Variants in CAMTA1 observed in about 807,000 individuals in gnomAD.
The protein encoded by CAMTA1 is calmodulin binding transcription activator 1.
Under a neutral mutation model 170.9 loss-of-function variants are expected in CAMTA1, and 27 were observed. That is an observed-to-expected ratio of 0.16 (90% CI 0.12 to 0.22). The LOEUF (loss-of-function observed/expected upper bound fraction) is 0.22. Among genes scored for constraint, CAMTA1 ranks in the 10% least tolerant of loss-of-function variants. CAMTA1 has a pLI of 1.00. For synonymous variants in CAMTA1, 833 were observed against 891.5 expected (o/e 0.93, Z 1.17); for missense variants, 1,619 against 2,217.2 (o/e 0.73, Z 5.42).
chr1:7,655,211 C>T (rs1329684171), intron 7 of CAMTA1, among the ~76,000 whole-genome samples: 1 of 116,294 alleles, frequency 8.6e-6, no homozygotes, highest in Non-Finnish European at 1.8e-5. Flanking sequence ...TACACACAAA[C>T]ACACCCATCT....
At chr1:7,038,766 G>A (rs1288709957) in intron 3 of CAMTA1, among the ~76,000 whole-genome samples, 3 of 152,220 alleles carry the variant, frequency 2.0e-5, no homozygotes, top group East Asian at 1.9e-4. Flanking sequence ...AAGGCTGGGC[G>A]TGGTGGCTCA....
chr1:7,640,608 A>G, intron 7 of CAMTA1, 55 bp downstream of exon 7: 1 of 1,608,786 alleles, frequency 6.2e-7, no homozygotes, highest in South Asian at 1.1e-5. Context: ...GCTGGCATCA[A>G]CCAGGCGGGG....
At position 7,455,179 on chromosome 1, in the gene CAMTA1, CA is replaced by C. The variant is rs967844578; in HGVS notation, c.439-12650del. ...CTGCTAAGTCTGTTCCAGGACAAGA[CA>C]TGCTGCCCATCCCTCCTGCTTCTCT... On this transcript the variant is annotated intron_variant, in intron 5 of 22. Coordinates refer to ENST00000303635, the MANE Select transcript of CAMTA1 (RefSeq NM_015215.4). The surrounding 1 kb of genome is among the most constrained non-coding windows in gnomAD (Gnocchi z 5.0). 6.6e-6 allele frequency among the ~76,000 whole-genome samples: 1 copy of C among 152,212 alleles called. No individual in the cohort carries two copies. Among genetic ancestry groups the C allele is most frequent in the African/African-American group, 2.4e-5 (1 of 41,468 alleles).
Position 7,748,864 on chromosome 1 carries a change from C to T in CAMTA1, c.4689+1083C>T, listed in dbSNP as rs1222462671. Among the ~76,000 whole-genome samples, 1 of 152,126 alleles carries T rather than the reference C, an allele frequency of 6.6e-6. No homozygotes were observed. On this transcript the variant is annotated intron_variant, in intron 19 of 22. Coordinates refer to ENST00000303635, the MANE Select transcript of CAMTA1 (RefSeq NM_015215.4). This position sits in a 1 kb window ranked among gnomAD's most constrained non-coding sequence, Gnocchi z 4.7. ...CACCTTGTAGGGTTATGTAACTAGTCAGATGGGAAAGGGAAGTCATATTTT... is the reference window on the plus strand; with the variant it reads ...CACCTTGTAGGGTTATGTAACTAGTTAGATGGGAAAGGGAAGTCATATTTT...
Position 7,633,637 on chromosome 1 carries a change from C to A in CAMTA1, c.511-6763C>A, listed in dbSNP as rs898282025. 1.3e-5 allele frequency among the ~76,000 whole-genome samples: 2 copies of A among 152,222 alleles called. No individual in the cohort carries two copies. The highest frequency in any genetic ancestry group is 2.9e-5 in the Non-Finnish European group (2 of 68,030). On this transcript the variant is annotated intron_variant, in intron 6 of 22. Transcript: ENST00000303635. This position sits in a 1 kb window ranked among gnomAD's most constrained non-coding sequence, Gnocchi z 4.1. ...CCAAGGCCAGGTGCCCCCTAGCAGGCTTGTTGGCCCGTGTGCTGGAGCAGC... is the reference window on the plus strand; with the variant it reads ...CCAAGGCCAGGTGCCCCCTAGCAGGATTGTTGGCCCGTGTGCTGGAGCAGC...
Position 7,142,440 on chromosome 1 carries a change from C to G in CAMTA1, c.302+51069C>G, listed in dbSNP as rs142908811. On this transcript the variant is annotated intron_variant, in intron 4 of 22. Transcript: ENST00000303635. Reference sequence around the variant, plus strand: ...GTCTGTGATGATGGGCAGGTGATGTCCCCTCTGTGGGCAGAAGGTGCTGCT... The same window carrying G: ...GTCTGTGATGATGGGCAGGTGATGTGCCCTCTGTGGGCAGAAGGTGCTGCT... Among the ~76,000 whole-genome samples, 230 of 152,322 alleles carry G rather than the reference C, an allele frequency of 1.5e-3. 4 individuals are homozygous for G. The South Asian group carries it at 0.028, about 19-fold the overall frequency.
intron 6 of CAMTA1, among the ~76,000 whole-genome samples, chr1:7,476,359 G>A (rs779245631): frequency 6.6e-5 from 10 of 152,168 alleles, no homozygotes; most frequent in Non-Finnish European, 1.2e-4. Context: ...TGGTCAAGAC[G>A]GTGGATCCAG....
intron 3 of CAMTA1, among the ~76,000 whole-genome samples, chr1:6,889,061 A>G (rs765887752): frequency 2.6e-5 from 4 of 152,244 alleles, no homozygotes; most frequent in Admixed American, 6.5e-5. Context: ...CCAATGTCCA[A>G]TTGAACTTGA....
intron 6 of CAMTA1, among the ~76,000 whole-genome samples, chr1:7,493,575 C>T (rs1399470764): frequency 6.6e-6 from 1 of 152,084 alleles, no homozygotes; most frequent in Non-Finnish European, 1.5e-5. Context: ...GACGGATCCA[C>T]ACACTTTAGA....
rs956594401 is a variant in CAMTA1 at position 7,124,039 on chromosome 1, G to A, written c.302+32668G>A. On this transcript the variant is annotated intron_variant, in intron 4 of 22. Transcript: ENST00000303635. ...TCTTGGCCAGAGGTGGGTTGGGCTTGGGGGCACAGATGTCTCACCTCGCAG... is the reference window on the plus strand; with the variant it reads ...TCTTGGCCAGAGGTGGGTTGGGCTTAGGGGCACAGATGTCTCACCTCGCAG... Among the ~76,000 whole-genome samples the A allele has an allele frequency of 3.3e-5, 5 of 152,288 alleles. No homozygotes were observed. In the South Asian group the frequency reaches 8.3e-4, roughly 25 times the overall value.
chr1:7,476,774 G>A (rs2093426237), intron 6 of CAMTA1, among the ~76,000 whole-genome samples: 1 of 152,154 alleles, frequency 6.6e-6, no homozygotes, highest in African/African-American at 2.4e-5. Flanking sequence ...GCTCCCCACA[G>A]CTGACAGTGA....
chr1:6,902,744 C>T (rs2149219774), intron 3 of CAMTA1, among the ~76,000 whole-genome samples: 1 of 152,286 alleles, frequency 6.6e-6, no homozygotes, highest in Non-Finnish European at 1.5e-5. Context: ...CAGGGAAATA[C>T]AAGTTAAAAC....
At chr1:7,204,830 C>CTTTTTTTTTTTTT (rs367812076) in intron 4 of CAMTA1, among the ~76,000 whole-genome samples, 1 of 86,808 alleles carries the variant, frequency 1.2e-5, no homozygotes, top group African/African-American at 4.6e-5. Flanking sequence ...TTCTTTTTTT[C>CTTTTTTTTTTTTT]TTTTTTTTTT....
intron 6 of CAMTA1, among the ~76,000 whole-genome samples, chr1:7,614,141 A>G (rs2095543406): frequency 6.6e-6 from 1 of 152,012 alleles, no homozygotes; most frequent in Admixed American, 6.6e-5. Context: ...AGATTTTGGC[A>G]GGAGAAATGA....
At chr1:7,373,543 C>T (rs2086636052) in intron 5 of CAMTA1, among the ~76,000 whole-genome samples, 1 of 152,336 alleles carries the variant, frequency 6.6e-6, no homozygotes, top group Middle Eastern at 3.4e-3. Context: ...GGGAAGGTTG[C>T]ACTCAGACTC....
chr1:7,054,676 G>A lies in CAMTA1; in HGVS notation c.235-36628G>A, dbSNP rs192585099. On this transcript the variant is annotated intron_variant, in intron 3 of 22. Coordinates refer to ENST00000303635, the MANE Select transcript of CAMTA1 (RefSeq NM_015215.4). Reference sequence around the variant, plus strand: ...CAGGCAGTAGCGTGACCTTGGAGTCGGGCTGTGCCACACTTGAGTTACACG... The same window carrying A: ...CAGGCAGTAGCGTGACCTTGGAGTCAGGCTGTGCCACACTTGAGTTACACG... 2.7e-3 allele frequency among the ~76,000 whole-genome samples: 412 copies of A among 152,288 alleles called. 2 individuals carry two copies. The highest frequency in any genetic ancestry group is 8.8e-3 in the African/African-American group (367 of 41,572).
chr1:7,537,110 G>A (rs1006733568), intron 6 of CAMTA1, among the ~76,000 whole-genome samples: 13 of 152,194 alleles, frequency 8.5e-5, no homozygotes, highest in African/African-American at 2.9e-4. Context: ...TACAGCGGGC[G>A]CCTCCTCCCC....
rs1673467074 is a variant in CAMTA1, at chr1:7,293,523, T to C, written c.438+43897T>C. On this transcript the variant is annotated intron_variant, in intron 5 of 22. Transcript: ENST00000303635. This position sits in a 1 kb window ranked among gnomAD's most constrained non-coding sequence, Gnocchi z 4.1. ...ATCCATGTGCATGTGTTCCCGGTTT[T>C]GTTTGTCATTTGCTTTCTTGCCATC... Among the ~76,000 whole-genome samples, 1 of 152,220 alleles carries C rather than the reference T, an allele frequency of 6.6e-6. No homozygotes were observed. The highest frequency in any genetic ancestry group is 2.4e-5 in the African/African-American group (1 of 41,466).
chr1:6,929,318 TATAGGCGC>T lies in CAMTA1; in HGVS notation c.234+104112_234+104119del, dbSNP rs1683940591. On this transcript the variant is annotated intron_variant, in intron 3 of 22. Transcript: ENST00000303635. ...CCTCAGCTTCCCAAGTAGTTGGGAC[TATAGGCGC>T]ATACCACCATGCCCAGCTAATTTTT... Among the ~76,000 whole-genome samples the T allele has an allele frequency of 3.3e-5, 5 of 152,218 alleles. 1 individual carries two copies. Among genetic ancestry groups the T allele is most frequent in the African/African-American group, 1.2e-4 (5 of 41,546 alleles).
Sources: allele counts gnomAD v4.1 joint callset (sites outside exome capture counted in the v4.1 genomes callset), GRCh38; gene constraint gnomAD v4.1.1; non-coding constraint Gnocchi (gnomAD v3.1); transcripts MANE v1.5; gene names NCBI Gene and HGNC (gene_info 2026-07-23, HGNC 2026-07-21).